PDE8B: variants seen among roughly 807,000 people sequenced by gnomAD.
The protein encoded by PDE8B is high affinity cAMP-specific and IBMX-insensitive 3',5'-cyclic phosphodiesterase 8B.
Under a neutral mutation model 101.3 loss-of-function variants are expected in PDE8B, and 26 were observed. The observed-to-expected ratio is 0.26, with a 90% confidence interval of 0.19 to 0.36. The LOEUF is 0.36. Among genes scored for constraint, PDE8B ranks in the 10% least tolerant of loss-of-function variants. PDE8B has a pLI of 1.00. For synonymous variants in PDE8B, 424 were observed against 429.3 expected (o/e 0.99, Z 0.15); for missense variants, 810 against 1,163.1 (o/e 0.70, Z 4.42).
intron 10 of PDE8B, among the ~76,000 whole-genome samples, chr5:77,362,234 ATTGT>A (rs922361143): frequency 6.6e-6 from 1 of 152,198 alleles, no homozygotes; most frequent in African/African-American, 2.4e-5. Flanking sequence ...GCGAAAACTG[ATTGT>A]TTGATTTTCT....
rs1790140146 is a variant in PDE8B at position 77,392,454 on chromosome 5, A to C, written c.1168-7794A>C. Among the ~76,000 whole-genome samples the C allele has an allele frequency of 2.0e-5, 3 of 152,198 alleles. 1 individual carries two copies. In the South Asian group the frequency reaches 6.2e-4, roughly 32 times the overall value. On this transcript the variant is annotated intron_variant, in intron 10 of 21. Transcript: ENST00000264917. ...TTACCCCCAGACCCAGGGCTTATAT[A>C]CCATACAGAAAGGGTGATTCAGAGG... is the stretch of plus-strand genomic sequence containing the variant.
chr5:77,361,312 AT>A (rs1783050837), intron 10 of PDE8B, among the ~76,000 whole-genome samples: 1 of 152,242 alleles, frequency 6.6e-6, no homozygotes, highest in African/African-American at 2.4e-5. Context: ...ACTTAAAAAA[AT>A]GATGAAGAAA....
At chr5:77,172,316 A>C in the PDE8B span, among the ~76,000 whole-genome samples, 1 of 152,214 alleles carries the variant, frequency 6.6e-6, no homozygotes, top group Non-Finnish European at 1.5e-5. Context: ...GACTGATGAA[A>C]CATCAAGAGC....
At chr5:77,296,163 C>T (rs1768513143) in intron 1 of PDE8B, among the ~76,000 whole-genome samples, 1 of 105,680 alleles carries the variant, frequency 9.5e-6, no homozygotes, top group Non-Finnish European at 2.3e-5. Flanking sequence ...TCTTCATCAT[C>T]TTCTTCTTTT....
chr5:77,284,173 G>A (rs1765552122), intron 1 of PDE8B, among the ~76,000 whole-genome samples: 1 of 152,112 alleles, frequency 6.6e-6, no homozygotes. Context: ...TTAATAGGTT[G>A]TTCATTTTCT....
At chr5:77,110,930 G>A in the PDE8B span, among the ~76,000 whole-genome samples, 2 of 152,240 alleles carry the variant, frequency 1.3e-5, no homozygotes, top group South Asian at 2.1e-4. Context: ...TCACCATATC[G>A]AAAGAATTTG....
At chr5:77,414,636 T>C (rs1284979910) in intron 17 of PDE8B, among the ~76,000 whole-genome samples, 1 of 151,760 alleles carries the variant, frequency 6.6e-6, no homozygotes, top group Non-Finnish European at 1.5e-5. Context: ...TTCACCATGT[T>C]GGCCAGGATG....
chr5:77,359,936 A>G (rs1782787860), intron 10 of PDE8B, among the ~76,000 whole-genome samples: 1 of 152,254 alleles, frequency 6.6e-6, no homozygotes, highest in South Asian at 2.1e-4. Context: ...TCTCTACGAA[A>G]AATACAAAAA....
chr5:77,385,924 G>A (rs1029023918), intron 10 of PDE8B, among the ~76,000 whole-genome samples: 1 of 151,868 alleles, frequency 6.6e-6, no homozygotes, highest in Admixed American at 6.6e-5. Flanking sequence ...GAGGAGCTGG[G>A]ATTACAGGTG....
chr5:77,095,720 A>C, the PDE8B span, among the ~76,000 whole-genome samples: 8 of 152,246 alleles, frequency 5.3e-5, no homozygotes, highest in Admixed American at 2.6e-4. Context: ...ACACTTATCC[A>C]TTTGTAAACA....
intron 10 of PDE8B, among the ~76,000 whole-genome samples, chr5:77,378,826 T>G (rs1223889616): frequency 1.3e-5 from 2 of 152,266 alleles, no homozygotes; most frequent in South Asian, 2.1e-4. Flanking sequence ...TATCAGTTGG[T>G]TTTAACAAGC....
chr5:77,222,874 C>G (rs774706129), intron 1 of PDE8B, among the ~76,000 whole-genome samples: 2 of 152,148 alleles, frequency 1.3e-5, no homozygotes, highest in Non-Finnish European at 2.9e-5. Context: ...CTTTCTAAGC[C>G]TGGAGCTCAA....
At chr5:77,181,206 T>C in the PDE8B span, among the ~76,000 whole-genome samples, 1 of 151,756 alleles carries the variant, frequency 6.6e-6, no homozygotes. Flanking sequence ...GAAGGGATGT[T>C]TGGAGGTGGA....
chr5:77,204,708 T>C, the PDE8B span, among the ~76,000 whole-genome samples: 1 of 152,232 alleles, frequency 6.6e-6, no homozygotes, highest in African/African-American at 2.4e-5. Flanking sequence ...TTGTTCATGC[T>C]GTTCCTGTGA....
chr5:77,369,693 C>G (rs1023700894), intron 10 of PDE8B, among the ~76,000 whole-genome samples: 1 of 152,192 alleles, frequency 6.6e-6, no homozygotes, highest in African/African-American at 2.4e-5. Flanking sequence ...AGCAGTTACA[C>G]AGCTAGAAAA....
In PDE8B at chr5:77,378,436, C is replaced by T. The variant is rs376351610; in HGVS notation, c.1168-21812C>T. On this transcript the variant is annotated intron_variant, in intron 10 of 21. Coordinates refer to ENST00000264917, the MANE Select transcript of PDE8B (RefSeq NM_003719.5). ...ATCGCGCCACCGCACTCCAGCCTGG[C>T]GACAGAGCAAGACTCCATCTAAAAA... Among the ~76,000 whole-genome samples the T allele has an allele frequency of 4.5e-4, 54 of 120,870 alleles. 1 individual carries two copies. Among genetic ancestry groups the T allele is most frequent in the African/African-American group, 2.8e-4 (9 of 32,546 alleles). The allele number at this position is 120,870 out of a possible 152,430, so 79.3% of individuals were successfully genotyped here. A position where few individuals can be genotyped will look rare whatever the true frequency, so the allele number is the denominator to read the frequency against.
chr5:77,412,488 G>A (rs1269014418), intron 16 of PDE8B, among the ~76,000 whole-genome samples: 4 of 152,178 alleles, frequency 2.6e-5, no homozygotes, highest in African/African-American at 9.6e-5. Context: ...AGTGAGCCAA[G>A]AGTTCTAAGA....
intron 1 of PDE8B, among the ~76,000 whole-genome samples, chr5:77,264,693 G>A (rs189763159): frequency 6.6e-6 from 1 of 152,240 alleles, no homozygotes; most frequent in Non-Finnish European, 1.5e-5. Flanking sequence ...ATAATATCCT[G>A]TGGGTAGATA....
At chr5:77,095,133 G>A in the PDE8B span, among the ~76,000 whole-genome samples, 2 of 152,184 alleles carry the variant, frequency 1.3e-5, no homozygotes, top group African/African-American at 4.8e-5. Flanking sequence ...TATTGTGGTA[G>A]AGAAATACTC....
Sources: allele counts gnomAD v4.1 joint callset (sites outside exome capture counted in the v4.1 genomes callset), GRCh38; gene constraint gnomAD v4.1.1; transcripts MANE v1.5; gene names NCBI Gene and HGNC (gene_info 2026-07-23, HGNC 2026-07-21).